PCTP: variants seen among roughly 807,000 people sequenced by gnomAD.
The protein encoded by PCTP is phosphatidylcholine transfer protein.
Under a neutral mutation model 31.0 loss-of-function variants are expected in PCTP, and 27 were observed. The ratio of observed to expected loss-of-function variants is 0.87; its 90% confidence interval spans 0.64 to 1.20. The LOEUF (loss-of-function observed/expected upper bound fraction) is 1.20, where lower values mean the gene tolerates loss of function less well. Among genes scored for constraint, PCTP ranks in the 50% most tolerant of loss-of-function variants. The probability of loss-of-function intolerance (pLI) is 0.00; values close to 1 mark genes in which losing one functional copy is unlikely to be tolerated. For synonymous variants in PCTP, 108 were observed against 101.2 expected (o/e 1.07, Z -0.40); for missense variants, 287 against 268.2 (o/e 1.07, Z -0.49).
intron 1 of PCTP, among the ~76,000 whole-genome samples, chr17:55,764,746 C>T (rs1274905264): frequency 6.6e-6 from 1 of 152,192 alleles, no homozygotes; most frequent in Non-Finnish European, 1.5e-5. Flanking sequence ...CCTTGACTTC[C>T]CCTCAGGCCA....
chr17:55,753,956 A>G (rs536826954), intron 1 of PCTP, among the ~76,000 whole-genome samples: 2 of 152,334 alleles, frequency 1.3e-5, no homozygotes, highest in Admixed American at 6.5e-5. Flanking sequence ...GTGAGTCCTC[A>G]TTATTGGAAG....
At chr17:55,824,775 A>G (rs1375381073), downstream of PCTP, among the ~76,000 whole-genome samples, 1 of 152,170 alleles carries the variant, frequency 6.6e-6, no homozygotes, top group African/African-American at 2.4e-5. Context: ...TCAAAGCCTC[A>G]CTAAACTCCC....
At chr17:55,793,908 C>T (rs981234939) in intron 3 of PCTP, among the ~76,000 whole-genome samples, 3 of 151,938 alleles carry the variant, frequency 2.0e-5, no homozygotes, top group Non-Finnish European at 2.9e-5. Flanking sequence ...TAGAAAGTAG[C>T]GGAATTGAAT....
intron 5 of PCTP, among the ~76,000 whole-genome samples, chr17:55,830,230 C>T (rs1905550547): frequency 6.6e-6 from 1 of 152,096 alleles, no homozygotes; most frequent in East Asian, 1.9e-4. Context: ...TTTGACTGTG[C>T]TGCGGGGTAG....
chr17:55,786,779 C>T (rs1440312218), intron 2 of PCTP, among the ~76,000 whole-genome samples: 1 of 152,106 alleles, frequency 6.6e-6, no homozygotes, highest in East Asian at 1.9e-4. Flanking sequence ...TAACTTTCTG[C>T]TTATTTGAGA....
intron 1 of PCTP, among the ~76,000 whole-genome samples, chr17:55,764,819 A>T (rs2912557): frequency 1.3e-5 from 2 of 152,234 alleles, no homozygotes; most frequent in Admixed American, 1.3e-4. Context: ...CGGCCTTAGC[A>T]CATGGATGCA....
intron 3 of PCTP, among the ~76,000 whole-genome samples, chr17:55,803,115 A>C (rs923961215): frequency 2.0e-5 from 3 of 152,140 alleles, no homozygotes; most frequent in Non-Finnish European, 4.4e-5. Context: ...CACAATTGCT[A>C]CAAAGAGAAT....
chr17:55,840,749 G>A (rs1363636731), intron 5 of PCTP, among the ~76,000 whole-genome samples: 1 of 152,270 alleles, frequency 6.6e-6, no homozygotes, highest in South Asian at 2.1e-4. Context: ...TATAGAAAAA[G>A]AAACAAGAGT....
intron 3 of PCTP, among the ~76,000 whole-genome samples, chr17:55,821,000 A>G (rs1913095966): frequency 1.3e-5 from 2 of 152,248 alleles, no homozygotes; most frequent in African/African-American, 4.8e-5. Flanking sequence ...CAGAGGTTTA[A>G]TGTTCAAAAG....
At chr17:55,806,592 T>C (rs957568493) in intron 3 of PCTP, among the ~76,000 whole-genome samples, 2 of 152,166 alleles carry the variant, frequency 1.3e-5, no homozygotes, top group Non-Finnish European at 2.9e-5. Flanking sequence ...ATGATGACCC[T>C]CCTTGATAAC....
intron 3 of PCTP, among the ~76,000 whole-genome samples, chr17:55,802,998 A>G (rs1419832831): frequency 6.6e-6 from 1 of 152,242 alleles, no homozygotes; most frequent in Non-Finnish European, 1.5e-5. Context: ...GCTGATAAGC[A>G]ACTTCAGCAA....
At chr17:55,754,804 G>A (rs12946182) in intron 1 of PCTP, among the ~76,000 whole-genome samples, 3 of 152,128 alleles carry the variant, frequency 2.0e-5, no homozygotes, top group Non-Finnish European at 4.4e-5. Flanking sequence ...GGCTATGAGA[G>A]TTATGAACCA....
intron 3 of PCTP, among the ~76,000 whole-genome samples, chr17:55,794,563 T>G (rs1912118898): frequency 6.6e-6 from 1 of 151,970 alleles, no homozygotes. Flanking sequence ...AAAATAGGAA[T>G]TCTTAAGTTA....
chr17:55,753,812 G>C (rs959012713), intron 1 of PCTP, among the ~76,000 whole-genome samples: 26 of 152,166 alleles, frequency 1.7e-4, no homozygotes, highest in South Asian at 4.1e-4. Flanking sequence ...AAAGCACACG[G>C]CTAAGAAGTG....
At chr17:55,759,779 G>T (rs1460806785) in intron 1 of PCTP, among the ~76,000 whole-genome samples, 1 of 152,142 alleles carries the variant, frequency 6.6e-6, no homozygotes, top group Non-Finnish European at 1.5e-5. Flanking sequence ...CTTTCTCCAG[G>T]CCTGGATGGG....
chr17:55,850,357 C>G, the PCTP span, among the ~76,000 whole-genome samples: 1 of 152,136 alleles, frequency 6.6e-6, no homozygotes, highest in African/African-American at 2.4e-5. Flanking sequence ...GCTTATTAAA[C>G]TGCTTTTTGT....
intron 5 of PCTP, among the ~76,000 whole-genome samples, chr17:55,828,111 A>T (rs185436402): frequency 6.6e-6 from 1 of 152,148 alleles, no homozygotes; most frequent in African/African-American, 2.4e-5. Context: ...GGTATGCTAA[A>T]CCCTTCTATA....
chr17:55,774,772 TC>T lies in PCTP; in HGVS notation c.512-18del, dbSNP rs764962724. On this transcript the variant is annotated intron_variant, in intron 4 of 5. Coordinates refer to ENST00000268896, the MANE Select transcript of PCTP (RefSeq NM_021213.4). ...TGGTATTTTTCCTTTTTCTGAATTG[TC>T]CTTTCTTTCCCTCTCTAGTTTTCAT... 57 of 1,592,570 alleles carry T rather than the reference TC, an allele frequency of 3.6e-5. 1 individual carries two copies. Among genetic ancestry groups the T allele is most frequent in the Non-Finnish European group, 4.8e-5 (56 of 1,161,068 alleles).
chr17:55,839,061 A>G (rs972389919), intron 5 of PCTP, among the ~76,000 whole-genome samples: 2 of 152,216 alleles, frequency 1.3e-5, no homozygotes, highest in Admixed American at 1.3e-4. Flanking sequence ...TAGAACATCC[A>G]TAGGAGAGCG....
Sources: gnomAD v4.1 joint callset for allele counts (sites outside exome capture counted in the v4.1 genomes callset) on GRCh38, gnomAD v4.1.1 for gene constraint, MANE v1.5 for transcripts, NCBI Gene and HGNC (gene_info 2026-07-23, HGNC 2026-07-21) for gene names.